SORCS3: variants seen among roughly 807,000 people sequenced by gnomAD.
SORCS3 encodes the protein sortilin related VPS10 domain containing receptor 3, also known as VPS10 domain-containing receptor SorCS3.
Under a neutral mutation model 146.3 loss-of-function variants are expected in SORCS3, and 57 were observed. The observed-to-expected ratio is 0.39, with a 90% CI of 0.31 to 0.49. SORCS3 has a LOEUF of 0.49. SORCS3 is among the 20% of genes least tolerant of loss of function. SORCS3 has a pLI of 0.92. For missense variants in SORCS3, 1,341 were observed against 1,575.5 expected (o/e 0.85, Z 2.52); for synonymous variants, 653 against 618.5 (o/e 1.06, Z -0.83).
intron 4 of SORCS3, among the ~76,000 whole-genome samples, chr10:105,004,003 T>TA (rs2055078199): frequency 6.7e-6 from 1 of 149,602 alleles, no homozygotes; most frequent in Admixed American, 6.6e-5. Context: ...TCTCTCTCTT[T>TA]TTTTTTTTTT....
In SORCS3 at chr10:104,714,037, C is replaced by T. The variant is rs369049871; in HGVS notation, c.627+72083C>T. Among the ~76,000 whole-genome samples, 4 of 152,252 alleles carry T rather than the reference C, an allele frequency of 2.6e-5. No homozygotes were observed. The South Asian group carries it at 6.2e-4, about 24-fold the overall frequency. On this transcript the variant is annotated intron_variant, in intron 1 of 26. Transcript: ENST00000369701. ...TTATATGAAGTATCAAATTTGTAAG[C>T]ATAGTTATCTGTAGTAGTAATTTAT...
chr10:104,811,870 G>C (rs2017744689), intron 1 of SORCS3, among the ~76,000 whole-genome samples: 1 of 152,198 alleles, frequency 6.6e-6, no homozygotes, highest in Non-Finnish European at 1.5e-5. Context: ...ATGTGCATCA[G>C]AAAACATCAA....
At chr10:105,262,291 C>T in intron 25 of SORCS3, 40 bp from the exon 26 acceptor site, 1 of 1,593,802 alleles carries the variant, frequency 6.3e-7, no homozygotes, top group Non-Finnish European at 8.6e-7. Flanking sequence ...GTTTGGCACA[C>T]CCTGTGATCT....
At chr10:104,765,890 C>T (rs558396090) in intron 1 of SORCS3, among the ~76,000 whole-genome samples, 2 of 152,302 alleles carry the variant, frequency 1.3e-5, no homozygotes, top group South Asian at 4.1e-4. Flanking sequence ...GATTCCCACC[C>T]AGTGAGTCTG....
At chr10:104,889,866 C>G (rs1005752648) in intron 2 of SORCS3, among the ~76,000 whole-genome samples, 1 of 152,112 alleles carries the variant, frequency 6.6e-6, no homozygotes, top group Non-Finnish European at 1.5e-5. Context: ...AAAGGACTTC[C>G]TTTACATTTT....
chr10:104,980,901 C>T (rs961092717), intron 4 of SORCS3, among the ~76,000 whole-genome samples: 13 of 152,128 alleles, frequency 8.5e-5, no homozygotes, highest in Non-Finnish European at 5.9e-5. Context: ...ATCTAGAAAT[C>T]GAGAGATGCA....
intron 20 of SORCS3, among the ~76,000 whole-genome samples, chr10:105,242,087 C>T (rs2056826840): frequency 6.6e-6 from 1 of 151,760 alleles, no homozygotes; most frequent in Non-Finnish European, 1.5e-5. Context: ...CATTTGGCTG[C>T]CTCCTGTCAC....
intron 1 of SORCS3, among the ~76,000 whole-genome samples, chr10:104,674,849 T>A (rs190828538): frequency 2.0e-5 from 3 of 152,364 alleles, no homozygotes; most frequent in South Asian, 2.1e-4. Flanking sequence ...TTCTTTTTAT[T>A]TCTCCATAGT....
At chr10:104,752,048 T>A (rs780744423) in intron 1 of SORCS3, among the ~76,000 whole-genome samples, 1 of 149,044 alleles carries the variant, frequency 6.7e-6, no homozygotes, top group African/African-American at 2.4e-5. Context: ...AAACTTTTTT[T>A]TTTTGAGGCA....
chr10:105,129,024 A>G (rs1396197945), intron 7 of SORCS3, among the ~76,000 whole-genome samples: 1 of 152,150 alleles, frequency 6.6e-6, no homozygotes, highest in Non-Finnish European at 1.5e-5. Flanking sequence ...AAAATCACAG[A>G]TGTTACAATG....
chr10:104,726,695 A>C (rs894773213), intron 1 of SORCS3, among the ~76,000 whole-genome samples: 4 of 151,966 alleles, frequency 2.6e-5, no homozygotes, highest in Non-Finnish European at 4.4e-5. Context: ...CTCTGTTGTC[A>C]CTGGGACTTC....
intron 2 of SORCS3, among the ~76,000 whole-genome samples, chr10:104,900,617 G>A (rs1039959915): frequency 2.0e-5 from 3 of 152,044 alleles, no homozygotes; most frequent in African/African-American, 4.8e-5. Flanking sequence ...ATGGCCTGGT[G>A]CGGACGCTCA....
intron 6 of SORCS3, among the ~76,000 whole-genome samples, chr10:105,090,054 T>C (rs1260469828): frequency 2.0e-5 from 3 of 152,216 alleles, no homozygotes; most frequent in Non-Finnish European, 4.4e-5. Flanking sequence ...TCTGGGGATA[T>C]GAGTTAATGC....
chr10:104,734,643 G>A (rs551420325), intron 1 of SORCS3, among the ~76,000 whole-genome samples: 1 of 152,346 alleles, frequency 6.6e-6, no homozygotes, highest in South Asian at 2.1e-4. Context: ...GTGAGAATGA[G>A]TCATGAGGGA....
chr10:104,946,070 T>C (rs562856880), intron 3 of SORCS3, among the ~76,000 whole-genome samples: 1 of 152,032 alleles, frequency 6.6e-6, no homozygotes, highest in South Asian at 2.1e-4. Flanking sequence ...TAATATTAAT[T>C]CTGACTCTGG....
chr10:104,988,633 T>G (rs2054975789), intron 4 of SORCS3, among the ~76,000 whole-genome samples: 1 of 152,222 alleles, frequency 6.6e-6, no homozygotes, highest in Non-Finnish European at 1.5e-5. Context: ...TCTCAAATTT[T>G]TAAAGGAAGC....
intron 18 of SORCS3, among the ~76,000 whole-genome samples, chr10:105,215,173 T>G (rs779598144): frequency 1.4e-4 from 21 of 152,228 alleles, no homozygotes; most frequent in Admixed American, 1.3e-3. Context: ...TTTTTTAGTG[T>G]CTTCTGAAAT....
intron 9 of SORCS3, among the ~76,000 whole-genome samples, chr10:105,154,885 T>C (rs1250231713): frequency 6.6e-6 from 1 of 152,182 alleles, no homozygotes; most frequent in Non-Finnish European, 1.5e-5. Context: ...GCCAAGTGCC[T>C]TCCAAACTCG....
chr10:104,956,963 G>T (rs1435561128), intron 3 of SORCS3, among the ~76,000 whole-genome samples: 1 of 152,098 alleles, frequency 6.6e-6, no homozygotes, highest in Admixed American at 6.6e-5. Flanking sequence ...AGAGTGTAGG[G>T]TGCCCTGAGG....
Sources: gnomAD v4.1 joint callset for allele counts (sites outside exome capture counted in the v4.1 genomes callset) on GRCh38, gnomAD v4.1.1 for gene constraint, MANE v1.5 for transcripts, NCBI Gene and HGNC (gene_info 2026-07-23, HGNC 2026-07-21) for gene names.